RASGRF2: variants seen among roughly 807,000 people sequenced by gnomAD.
The protein encoded by RASGRF2 is Ras protein specific guanine nucleotide releasing factor 2, also known as ras-specific guanine nucleotide-releasing factor 2.
RASGRF2 carries 76 observed loss-of-function variants against 151.0 expected under a neutral mutation model. The ratio of observed to expected loss-of-function variants is 0.50; its 90% CI spans 0.42 to 0.61. RASGRF2 has a LOEUF of 0.61. Ranked by LOEUF, RASGRF2 falls within the 20% of genes least tolerant of loss-of-function variation. The pLI, the probability that RASGRF2 is intolerant of heterozygous loss-of-function variation, is 0.00. For synonymous variants in RASGRF2, 504 were observed against 566.5 expected (o/e 0.89, Z 1.57); for missense variants, 1,148 against 1,564.6 (o/e 0.73, Z 4.49).
chr5:81,044,649 C>T (rs1580246945), intron 2 of RASGRF2, among the ~76,000 whole-genome samples: 2 of 152,160 alleles, frequency 1.3e-5, no homozygotes, highest in African/African-American at 4.8e-5. Flanking sequence ...ATATTATTAT[C>T]CCCATTTTAC....
At chr5:81,194,102 G>A (rs1755208118) in intron 18 of RASGRF2, among the ~76,000 whole-genome samples, 1 of 151,820 alleles carries the variant, frequency 6.6e-6, no homozygotes, top group Non-Finnish European at 1.5e-5. Context: ...CCAGCATTTC[G>A]GGAGGCCAAG....
chr5:81,057,560 T>C (rs901795048), intron 2 of RASGRF2, among the ~76,000 whole-genome samples: 3 of 152,222 alleles, frequency 2.0e-5, no homozygotes, highest in Non-Finnish European at 4.4e-5. Flanking sequence ...CATTTATGAT[T>C]GATACATGAT....
chr5:81,175,921 G>GGGACAATT (rs1754764748), intron 17 of RASGRF2, among the ~76,000 whole-genome samples: 1 of 152,044 alleles, frequency 6.6e-6, no homozygotes, highest in Non-Finnish European at 1.5e-5. Context: ...AAATGCCCTT[G>GGGACAATT]GGACAATTTA....
At chr5:81,139,189 AG>A in intron 17 of RASGRF2, among the ~76,000 whole-genome samples, 1 of 152,106 alleles carries the variant, frequency 6.6e-6, no homozygotes, top group South Asian at 2.1e-4. Flanking sequence ...TTTTATTTTT[AG>A]ATAGTTTGTT....
At chr5:81,072,493 A>G (rs153227) in intron 4 of RASGRF2, among the ~76,000 whole-genome samples, 29,961 of 152,212 alleles carry the variant, frequency 0.2, 3,292 homozygotes, top group Admixed American at 0.28. Context: ...AATACTTTCA[A>G]TTATATGTGA....
chr5:81,061,419 A>AT (rs1732091163), intron 2 of RASGRF2, among the ~76,000 whole-genome samples: 1 of 151,914 alleles, frequency 6.6e-6, no homozygotes, highest in Non-Finnish European at 1.5e-5. Flanking sequence ...GACAATATCT[A>AT]TTTACTATAT....
intron 1 of RASGRF2, among the ~76,000 whole-genome samples, chr5:80,978,012 C>T (rs900740444): frequency 6.6e-6 from 1 of 152,158 alleles, no homozygotes; most frequent in Non-Finnish European, 1.5e-5. Context: ...TTACTAACTG[C>T]AGGAAACTAT....
intron 15 of RASGRF2, among the ~76,000 whole-genome samples, chr5:81,118,405 C>T (rs1191013771): frequency 6.6e-6 from 1 of 152,232 alleles, no homozygotes; most frequent in African/African-American, 2.4e-5. Flanking sequence ...AGGAGCACTG[C>T]ACAGGAATGT....
At chr5:81,114,984 G>C (rs938393503) in intron 15 of RASGRF2, 2 of 152,126 alleles carry the variant, frequency 1.3e-5, no homozygotes, top group African/African-American at 4.8e-5. Context: ...TGCTTTTAAA[G>C]TCCAATGTTT....
chr5:81,179,743 T>TCCATTTA (rs1451070697), intron 17 of RASGRF2, among the ~76,000 whole-genome samples: 3 of 152,214 alleles, frequency 2.0e-5, no homozygotes, highest in African/African-American at 7.2e-5. Flanking sequence ...GTTTGAATCA[T>TCCATTTA]CCATAAGCCA....
chr5:81,112,848 A>G lies in RASGRF2; in HGVS notation c.2077A>G (p.Ile693Val). ...CATATACAAGAGGCCTTTCACCTCC[A>G]TCCCTGTCAGGTACACCTATTGCTA... Reference protein sequence around the residue: ...SDIYKRPFTSIPVRSLELFFA... With the variant: ...SDIYKRPFTSVPVRSLELFFA... The change falls in exon 14 of 27, where the codon ATC becomes GTC. Residue 693 changes from isoleucine to valine, a missense_variant. Transcript: ENST00000265080. The G allele has an allele frequency of 6.2e-7, 1 of 1,614,210 alleles. No homozygotes were observed. Among genetic ancestry groups the G allele is most frequent in the East Asian group, 2.2e-5 (1 of 44,876 alleles).
intron 1 of RASGRF2, among the ~76,000 whole-genome samples, chr5:80,995,692 CCT>C (rs1748829313): frequency 8.2e-6 from 1 of 121,930 alleles, no homozygotes; most frequent in Non-Finnish European, 1.7e-5. Context: ...CTTCCCCCCC[CCT>C]TTTTTTTTTT....
chr5:81,189,500 T>C (rs1488938145), intron 18 of RASGRF2, among the ~76,000 whole-genome samples: 1 of 151,828 alleles, frequency 6.6e-6, no homozygotes, highest in African/African-American at 2.4e-5. Flanking sequence ...TTCTTTTTTT[T>C]TTTTTTAAGA....
chr5:81,196,283 T>G (rs561266219), intron 18 of RASGRF2, among the ~76,000 whole-genome samples: 2 of 152,046 alleles, frequency 1.3e-5, no homozygotes, highest in Non-Finnish European at 2.9e-5. Context: ...AACAAAAAAT[T>G]ATATACTAAA....
chr5:81,206,213 TA>T (rs1755503983), intron 19 of RASGRF2, among the ~76,000 whole-genome samples: 4 of 151,404 alleles, frequency 2.6e-5, no homozygotes, highest in African/African-American at 9.8e-5. Flanking sequence ...ATTCATCATT[TA>T]TTTTTTTAAA....
intron 2 of RASGRF2, among the ~76,000 whole-genome samples, chr5:81,052,035 CCTTTAAT>C: frequency 6.6e-6 from 1 of 152,244 alleles, no homozygotes; most frequent in South Asian, 2.1e-4. Flanking sequence ...TATATAAACC[CCTTTAAT>C]CTATTCTTGT....
chr5:81,069,867 G>C (rs1751720921), intron 3 of RASGRF2, among the ~76,000 whole-genome samples: 1 of 152,206 alleles, frequency 6.6e-6, no homozygotes, highest in Non-Finnish European at 1.5e-5. Context: ...GTAGTTGAGA[G>C]GCCACCCAGT....
intron 18 of RASGRF2, among the ~76,000 whole-genome samples, chr5:81,181,275 T>C (rs1389895895): frequency 6.6e-6 from 1 of 152,178 alleles, no homozygotes; most frequent in African/African-American, 2.4e-5. Flanking sequence ...GTCTGTTCAA[T>C]AGGGTCACCA....
chr5:81,040,083 A>G (rs907955969), intron 1 of RASGRF2, among the ~76,000 whole-genome samples: 17 of 152,296 alleles, frequency 1.1e-4, no homozygotes, highest in Non-Finnish European at 2.4e-4. Flanking sequence ...TGCATCCTGC[A>G]GCCTTGACTT....
Sources: allele counts gnomAD v4.1 joint callset (sites outside exome capture counted in the v4.1 genomes callset), GRCh38; gene constraint gnomAD v4.1.1; transcripts MANE v1.5; gene names NCBI Gene and HGNC (gene_info 2026-07-23, HGNC 2026-07-21).